CTNNA2: variants seen among roughly 807,000 people sequenced by gnomAD.
The protein encoded by CTNNA2 is catenin alpha-2.
In CTNNA2, 42 loss-of-function variants were observed where a neutral mutation model predicts 101.0. That is an observed-to-expected ratio of 0.42 (90% CI 0.32 to 0.54). The LOEUF (loss-of-function observed/expected upper bound fraction) is 0.54, where lower values mean the gene tolerates loss of function less well. Ranked by LOEUF, CTNNA2 falls within the 20% of genes least tolerant of loss-of-function variation. The probability of loss-of-function intolerance (pLI) is 0.14; values close to 1 mark genes in which losing one functional copy is unlikely to be tolerated. For missense variants in CTNNA2, 871 were observed against 1,223.1 expected, an observed-to-expected ratio of 0.71 and a Z score of 4.29; for synonymous variants, 450 against 456.4, an observed-to-expected ratio of 0.99 and a Z score of 0.18.
intron 2 of CTNNA2, among the ~76,000 whole-genome samples, chr2:79,242,678 T>C (rs1203440220): frequency 6.6e-6 from 1 of 152,076 alleles, no homozygotes; most frequent in African/African-American, 2.4e-5. Context: ...TTTAATATGT[T>C]AATATTAGGC....
chr2:80,370,613 GAGATA>G (rs1325220137), intron 7 of CTNNA2, among the ~76,000 whole-genome samples: 1 of 152,092 alleles, frequency 6.6e-6, no homozygotes, highest in African/African-American at 2.4e-5. Flanking sequence ...CCTTGCTTTA[GAGATA>G]AGAAAGCTGG....
At chr2:80,116,790 A>T (rs1279002326) in intron 7 of CTNNA2, among the ~76,000 whole-genome samples, 1 of 152,114 alleles carries the variant, frequency 6.6e-6, no homozygotes, top group Non-Finnish European at 1.5e-5. Context: ...CCATCAGATA[A>T]GTTTTCTTGT....
chr2:80,608,375 A>G (rs1698195127), intron 17 of CTNNA2, 57 bp downstream of exon 17: 2 of 1,571,042 alleles, frequency 1.3e-6, no homozygotes, highest in African/African-American at 1.3e-5. Context: ...TTCCAAGGCA[A>G]ACATTCTTGG....
chr2:79,241,038 A>G (rs1346102908), intron 2 of CTNNA2, among the ~76,000 whole-genome samples: 1 of 152,144 alleles, frequency 6.6e-6, no homozygotes, highest in East Asian at 1.9e-4. Context: ...GGAATTTTTC[A>G]CAGATGGCCA....
intron 2 of CTNNA2, among the ~76,000 whole-genome samples, chr2:79,674,694 C>A (rs1337081256): frequency 6.6e-6 from 1 of 152,046 alleles, no homozygotes; most frequent in Non-Finnish European, 1.5e-5. Context: ...AGGGAAATGG[C>A]TAAGGAGAGA....
At chr2:79,435,433 T>G (rs1678703034) in intron 4 of CTNNA2, among the ~76,000 whole-genome samples, 1 of 152,252 alleles carries the variant, frequency 6.6e-6, no homozygotes, top group Non-Finnish European at 1.5e-5. Context: ...AAAATAAAAT[T>G]TAGTGAATTC....
At chr2:80,261,387 A>G (rs537162513) in intron 7 of CTNNA2, among the ~76,000 whole-genome samples, 22 of 152,096 alleles carry the variant, frequency 1.4e-4, no homozygotes, top group African/African-American at 5.1e-4. Context: ...GTAGGTTAGA[A>G]TGTACCTCAG....
At chr2:80,295,530 G>A (rs898279443) in intron 7 of CTNNA2, among the ~76,000 whole-genome samples, 1 of 152,160 alleles carries the variant, frequency 6.6e-6, no homozygotes, top group Non-Finnish European at 1.5e-5. Context: ...GAATTCAGGG[G>A]AATTTTAATT....
chr2:79,309,931 T>C (rs1252872615), intron 2 of CTNNA2, among the ~76,000 whole-genome samples: 1 of 152,312 alleles, frequency 6.6e-6, no homozygotes, highest in South Asian at 2.1e-4. Context: ...ATAAAATTTC[T>C]CACATTTTTA....
intron 1 of CTNNA2, among the ~76,000 whole-genome samples, chr2:79,541,808 G>A (rs1673441931): frequency 6.6e-6 from 1 of 151,908 alleles, no homozygotes; most frequent in Non-Finnish European, 1.5e-5. Context: ...TGTATTTGTA[G>A]TAGAGACGGG....
intron 9 of CTNNA2, among the ~76,000 whole-genome samples, chr2:80,475,565 T>C (rs1487948609): frequency 6.6e-6 from 1 of 152,196 alleles, no homozygotes; most frequent in Non-Finnish European, 1.5e-5. Flanking sequence ...TCTGCTATTC[T>C]GTCACCAAAC....
chr2:80,366,694 T>C (rs951717177), intron 7 of CTNNA2, among the ~76,000 whole-genome samples: 10 of 152,260 alleles, frequency 6.6e-5, no homozygotes, highest in African/African-American at 2.4e-4. Context: ...GCTGCTGTTG[T>C]TGCAGTGTGT....
intron 1 of CTNNA2, among the ~76,000 whole-genome samples, chr2:79,633,261 C>A (rs553511937): frequency 6.6e-6 from 1 of 152,132 alleles, no homozygotes; most frequent in African/African-American, 2.4e-5. Flanking sequence ...GTTATTATCT[C>A]CCCTCATAGT....
intron 6 of CTNNA2, among the ~76,000 whole-genome samples, chr2:79,876,358 A>T (rs1420378273): frequency 6.6e-6 from 1 of 152,216 alleles, no homozygotes; most frequent in African/African-American, 2.4e-5. Context: ...TTGAAACACA[A>T]ATGGACTCAT....
chr2:80,529,942 C>A (rs765483017), intron 9 of CTNNA2, among the ~76,000 whole-genome samples: 3 of 152,056 alleles, frequency 2.0e-5, no homozygotes, highest in Non-Finnish European at 4.4e-5. Context: ...CCTGCTCCTA[C>A]GGGTGTTGGT....
intron 7 of CTNNA2, among the ~76,000 whole-genome samples, chr2:80,144,509 C>T (rs1032017082): frequency 6.6e-6 from 1 of 152,162 alleles, no homozygotes; most frequent in Non-Finnish European, 1.5e-5. Flanking sequence ...TGAAGCTGCT[C>T]ACCAGTCACT....
chr2:79,858,207 T>C (rs373448067), intron 4 of CTNNA2, 28 bp downstream of exon 4: 3 of 1,576,798 alleles, frequency 1.9e-6, no homozygotes, highest in Non-Finnish European at 1.7e-6. Context: ...ATCAAAACTT[T>C]CTTTATGTGA....
At chr2:79,785,425 T>G (rs1573964030) in intron 3 of CTNNA2, among the ~76,000 whole-genome samples, 1 of 152,288 alleles carries the variant, frequency 6.6e-6, no homozygotes, top group African/African-American at 2.4e-5. Flanking sequence ...CTAAATGCAT[T>G]TAGGATTTTC....
At chr2:80,307,055 A>G (rs1464234701) in intron 7 of CTNNA2, among the ~76,000 whole-genome samples, 1 of 148,302 alleles carries the variant, frequency 6.7e-6, no homozygotes, top group Non-Finnish European at 1.5e-5. Context: ...TTATATATAT[A>G]TATTATATAT....
Sources: allele counts gnomAD v4.1 joint callset (sites outside exome capture counted in the v4.1 genomes callset), GRCh38; gene constraint gnomAD v4.1.1; transcripts MANE v1.5; gene names NCBI Gene and HGNC (gene_info 2026-07-23, HGNC 2026-07-21).